The following HAPSTR1 variants were observed in gnomAD, a reference collection of about 807,000 sequenced individuals.
HAPSTR1 encodes the protein HUWE1-associated protein modifying stress responses 1.
the HAPSTR1 span, chr16:9,106,717 A>G: frequency 6.6e-6 from 1 of 152,060 alleles, no homozygotes; most frequent in African/African-American, 2.4e-5. Context: ...AGTCATCTGT[A>G]TGTTAGATTC....
At chr16:9,118,357 C>G in the HAPSTR1 span, 2 of 152,570 alleles carry the variant, frequency 1.3e-5, no homozygotes, top group Non-Finnish European at 2.9e-5. Context: ...ACTCACAGCA[C>G]TTTGTTAAAG....
chr16:9,103,611 T>A, the HAPSTR1 span: 6,698 of 200,084 alleles, frequency 0.033, 478 homozygotes, highest in African/African-American at 0.15. Flanking sequence ...AATTCTGTTA[T>A]ATTTCTAATG....
chr16:9,099,960 A>G, the HAPSTR1 span, among the ~76,000 whole-genome samples: 7 of 152,346 alleles, frequency 4.6e-5, 1 homozygote, highest in Admixed American at 1.3e-4. Context: ...ATTTTGGGAA[A>G]TAACTGAGGT....
the HAPSTR1 span, chr16:9,091,880 GC>G: frequency 6.2e-6 from 3 of 480,392 alleles, no homozygotes; most frequent in Non-Finnish European, 1.0e-5. Flanking sequence ...GCGGGGCGGG[GC>G]TCGCCGGCCG....
the HAPSTR1 span, among the ~76,000 whole-genome samples, chr16:9,098,921 G>C: frequency 2.0e-5 from 3 of 152,132 alleles, no homozygotes; most frequent in African/African-American, 7.2e-5. Flanking sequence ...ACAAACTTGC[G>C]ATACCTGCTC....
At chr16:9,117,730 G>A in the HAPSTR1 span, 1 of 152,490 alleles carries the variant, frequency 6.6e-6, no homozygotes, top group Non-Finnish European at 1.5e-5. Flanking sequence ...AAGTAGAGAG[G>A]TCATGAACTT....
chr16:9,113,867 T>G, the HAPSTR1 span, among the ~76,000 whole-genome samples: 1 of 152,088 alleles, frequency 6.6e-6, no homozygotes, highest in Non-Finnish European at 1.5e-5. Flanking sequence ...TGGCAATGAT[T>G]TAAGTGAAGA....
the HAPSTR1 span, chr16:9,111,472 T>C: frequency 6.6e-6 from 1 of 152,252 alleles, no homozygotes; most frequent in African/African-American, 2.4e-5. Flanking sequence ...GCAATTAAGA[T>C]AGCATTAAAG....
At chr16:9,113,018 G>GTTTTTTTTTTT in the HAPSTR1 span, 1 of 125,844 alleles carries the variant, frequency 7.9e-6, no homozygotes, top group Non-Finnish European at 1.7e-5. Flanking sequence ...TTTTTTTTTT[G>GTTTTTTTTTTT]TTTTTTTTGT....
the HAPSTR1 span, chr16:9,103,372 C>G: frequency 8.9e-7 from 1 of 1,128,012 alleles, no homozygotes; most frequent in South Asian, 1.7e-5. Flanking sequence ...TTACAGTAAA[C>G]AGCTTGCTCT....
the HAPSTR1 span, chr16:9,092,885 C>G: frequency 4.6e-6 from 7 of 1,512,918 alleles, no homozygotes; most frequent in South Asian, 1.2e-5. Context: ...TTTCTTTTTT[C>G]TTTTTGGTTT....
chr16:9,093,745 G>A, the HAPSTR1 span, among the ~76,000 whole-genome samples: 2 of 152,082 alleles, frequency 1.3e-5, no homozygotes, highest in Non-Finnish European at 2.9e-5. Context: ...ACATGAAGAT[G>A]TGTAAGTAAA....
At chr16:9,115,745 C>T in the HAPSTR1 span, among the ~76,000 whole-genome samples, 1 of 152,160 alleles carries the variant, frequency 6.6e-6, no homozygotes, top group South Asian at 2.1e-4. Flanking sequence ...TCCCGAGTAG[C>T]TGGGATTACA....
At chr16:9,096,996 G>A in the HAPSTR1 span, among the ~76,000 whole-genome samples, 2 of 152,066 alleles carry the variant, frequency 1.3e-5, no homozygotes, top group African/African-American at 4.8e-5. Context: ...AGGCTGGAGT[G>A]CAATGGCGTG....
At chr16:9,114,070 T>C in the HAPSTR1 span, among the ~76,000 whole-genome samples, 1 of 152,174 alleles carries the variant, frequency 6.6e-6, no homozygotes, top group Non-Finnish European at 1.5e-5. Context: ...GAAGAGACGG[T>C]TGATTGTACC....
chr16:9,115,530 G>C, the HAPSTR1 span, among the ~76,000 whole-genome samples: 1 of 152,180 alleles, frequency 6.6e-6, no homozygotes, highest in Non-Finnish European at 1.5e-5. Context: ...GAATGTTTAG[G>C]AGTGGAATGT....
At chr16:9,100,377 A>G in the HAPSTR1 span, among the ~76,000 whole-genome samples, 11 of 152,236 alleles carry the variant, frequency 7.2e-5, no homozygotes, top group African/African-American at 2.6e-4. Flanking sequence ...TGTGTCTTCA[A>G]TCAAAACAAC....
chr16:9,102,886 G>A, the HAPSTR1 span: 5 of 1,255,442 alleles, frequency 4.0e-6, no homozygotes, highest in Middle Eastern at 2.2e-4. Flanking sequence ...CCACATCATG[G>A]TATTCACTTT....
the HAPSTR1 span, chr16:9,119,417 CTCTTCG>C: frequency 6.6e-6 from 1 of 152,214 alleles, no homozygotes; most frequent in African/African-American, 2.4e-5. Context: ...AACAGAAGCT[CTCTTCG>C]TCTTAAGCCA....
Sources: gnomAD v4.1 joint callset for allele counts (sites outside exome capture counted in the v4.1 genomes callset) on GRCh38, gnomAD v4.1.1 for gene constraint, MANE v1.5 for transcripts, NCBI Gene and HGNC (gene_info 2026-07-23, HGNC 2026-07-21) for gene names.